The following MYO18B variants were observed in gnomAD, a reference collection of about 807,000 sequenced individuals.
The protein encoded by MYO18B is myosin XVIIIB.
In MYO18B, 204 loss-of-function variants were observed where a neutral mutation model predicts 273.0. That is an observed-to-expected ratio of 0.75 (90% confidence interval 0.67 to 0.84). The LOEUF (loss-of-function observed/expected upper bound fraction) is 0.84, where lower values mean the gene tolerates loss of function less well. Ranked by LOEUF, MYO18B falls within the 40% of genes least tolerant of loss-of-function variation. The pLI, the probability that MYO18B is intolerant of heterozygous loss-of-function variation, is 0.00. For synonymous variants in MYO18B, 1,330 were observed against 1,305.7 expected (o/e 1.02, Z -0.40); for missense variants, 3,212 against 3,287.6 (o/e 0.98, Z 0.56).
intron 22 of MYO18B, among the ~76,000 whole-genome samples, chr22:25,870,405 T>G (rs1034293747): frequency 6.6e-6 from 1 of 152,218 alleles, no homozygotes; most frequent in Non-Finnish European, 1.5e-5. Context: ...TGTAGGCAGT[T>G]GTAATACAAT....
intron 3 of MYO18B, among the ~76,000 whole-genome samples, chr22:25,766,151 C>T (rs2086499282): frequency 6.6e-6 from 1 of 152,008 alleles, no homozygotes; most frequent in African/African-American, 2.4e-5. Flanking sequence ...ATCTAATATG[C>T]CGCAGTTCAA....
At chr22:25,773,594 G>A (rs565303181) in intron 7 of MYO18B, among the ~76,000 whole-genome samples, 4 of 152,148 alleles carry the variant, frequency 2.6e-5, no homozygotes, top group Non-Finnish European at 5.9e-5. Context: ...CCCCCGAGTA[G>A]CTGGGACTAC....
chr22:25,853,790 T>G (rs1428799445), intron 21 of MYO18B, among the ~76,000 whole-genome samples: 1 of 152,092 alleles, frequency 6.6e-6, no homozygotes, highest in Admixed American at 6.5e-5. Context: ...AAATGGAAAA[T>G]TACAAGGAGA....
chr22:25,880,168 G>T (rs751029756), intron 25 of MYO18B, among the ~76,000 whole-genome samples: 10 of 152,176 alleles, frequency 6.6e-5, no homozygotes, highest in Non-Finnish European at 1.2e-4. Flanking sequence ...TGGGGAAAGG[G>T]AGGCACTTGA....
At chr22:25,957,287 T>C (rs1481447659) in intron 39 of MYO18B, among the ~76,000 whole-genome samples, 4 of 152,174 alleles carry the variant, frequency 2.6e-5, no homozygotes, top group Non-Finnish European at 5.9e-5. Context: ...TTCCCTCTTT[T>C]CTCTCTTTCC....
At chr22:26,059,057 T>C in the MYO18B span, among the ~76,000 whole-genome samples, 4 of 152,220 alleles carry the variant, frequency 2.6e-5, no homozygotes, top group African/African-American at 9.6e-5. Flanking sequence ...GAAAAGGTTA[T>C]AGAATTGGGA....
chr22:25,861,484 T>C (rs535653158), intron 21 of MYO18B, among the ~76,000 whole-genome samples: 53 of 152,230 alleles, frequency 3.5e-4, no homozygotes, highest in Admixed American at 6.5e-4. Flanking sequence ...AGCTATCTTA[T>C]GTTTAGTGTT....
intron 11 of MYO18B, among the ~76,000 whole-genome samples, chr22:25,793,183 C>CA (rs2087755817): frequency 6.6e-6 from 1 of 152,200 alleles, no homozygotes; most frequent in African/African-American, 2.4e-5. Flanking sequence ...CACATAAACT[C>CA]ATTTAGTCCT....
chr22:25,803,606 C>T lies in MYO18B; in HGVS notation c.2521+5509C>T, dbSNP rs1202646171. Reference sequence around the variant, plus strand: ...AAGACTAGACTTTGCAGTCAGCCACCTCCAGCCAAGTTTCAGCTCTGCCTT... The same window carrying T: ...AAGACTAGACTTTGCAGTCAGCCACTTCCAGCCAAGTTTCAGCTCTGCCTT... On this transcript the variant is annotated intron_variant, in intron 12 of 43. Coordinates refer to ENST00000335473, the MANE Select transcript of MYO18B (RefSeq NM_032608.7). Among the ~76,000 whole-genome samples, 6 of 152,104 alleles carry T rather than the reference C, an allele frequency of 3.9e-5. No homozygotes were observed. The East Asian group carries it at 1.2e-3, about 29-fold the overall frequency.
intron 34 of MYO18B, among the ~76,000 whole-genome samples, chr22:25,932,661 C>T (rs754231214): frequency 9.2e-5 from 14 of 152,122 alleles, no homozygotes; most frequent in Non-Finnish European, 1.6e-4. Flanking sequence ...CTGTCCACCT[C>T]GGCCTCCCAA....
At chr22:25,990,701 AAAAAAAAAAAAAAAAAAAAGAAAAAG>A (rs1280462595) in intron 39 of MYO18B, among the ~76,000 whole-genome samples, 2,963 of 71,748 alleles carry the variant, frequency 0.041, 444 homozygotes, top group African/African-American at 0.15. Flanking sequence ...AAAAAAAAAA[AAAAAAAAAAAAAAAAAAAAGAAAAAG>A]AAAAAAAAAA....
At chr22:26,000,167 A>G (rs1225875240) in intron 40 of MYO18B, among the ~76,000 whole-genome samples, 1 of 152,228 alleles carries the variant, frequency 6.6e-6, no homozygotes, top group East Asian at 1.9e-4. Flanking sequence ...GCAGACATGG[A>G]CTTGCCTTGT....
intron 36 of MYO18B, 78 bp downstream of exon 36, chr22:25,947,906 G>A (rs2092733852): frequency 1.9e-6 from 2 of 1,038,674 alleles, no homozygotes; most frequent in East Asian, 5.0e-5. Flanking sequence ...AGGTGATGTG[G>A]TTGGACTACT....
rs1472207083 is a variant in MYO18B, at chr22:25,931,659, CTTTTCTTTTTTTTTCTT to C, written c.5517+10265_5517+10281del. On this transcript the variant is annotated intron_variant, in intron 34 of 43. Coordinates refer to ENST00000335473, the MANE Select transcript of MYO18B (RefSeq NM_032608.7). ...GGAGAGGAGACAGCTAGTATTATGC[CTTTTCTTTTTTTTTCTT>C]TTTTCTTTTTTTTTTTTTTTTTTTG... Among the ~76,000 whole-genome samples the C allele has an allele frequency of 8.0e-5, 12 of 149,216 alleles. No homozygotes were observed. In the South Asian group the frequency reaches 1.1e-3, roughly 13 times the overall value.
intron 39 of MYO18B, among the ~76,000 whole-genome samples, chr22:25,960,910 G>T (rs575479962): frequency 2.0e-5 from 3 of 152,192 alleles, no homozygotes; most frequent in African/African-American, 7.2e-5. Flanking sequence ...AGCACTTTGG[G>T]AGGACGAGTG....
chr22:25,811,115 G>A (rs1490874387), intron 12 of MYO18B, among the ~76,000 whole-genome samples: 1 of 151,690 alleles, frequency 6.6e-6, no homozygotes, highest in Non-Finnish European at 1.5e-5. Flanking sequence ...CCGGGTTCAA[G>A]GGATTCTCCT....
chr22:26,027,548 A>G lies in MYO18B; in HGVS notation c.7574A>G (p.Lys2525Arg). The G allele has an allele frequency of 2.5e-6, 4 of 1,614,004 alleles. No homozygotes were observed. Among genetic ancestry groups the G allele is most frequent in the South Asian group, 2.2e-5 (2 of 91,088 alleles). ...IVSFKSADSI[K>R]SRPGIPRLAG... ...TCCTTCAAAAGTGCTGACAGCATCAAAAGTCGACCAGGAATCCCACGACTT... is the reference window on the plus strand; with the variant it reads ...TCCTTCAAAAGTGCTGACAGCATCAGAAGTCGACCAGGAATCCCACGACTT... Residue 2525 changes from lysine (K) to arginine (R), a missense_variant, in exon 43 of 44, where the codon AAA (lysine) becomes AGA (arginine). Physicochemically the swap from Lys to Arg is conservative, Grantham distance 26. Coordinates refer to ENST00000335473, the MANE Select transcript of MYO18B (RefSeq NM_032608.7). The surrounding 1 kb of genome is among the most constrained non-coding windows in gnomAD (Gnocchi z 4.1).
chr22:25,909,151 C>G (rs146375529), intron 32 of MYO18B, among the ~76,000 whole-genome samples: 2 of 152,142 alleles, frequency 1.3e-5, no homozygotes, highest in East Asian at 3.8e-4. Context: ...TAACCAGTGC[C>G]GAGATAAACA....
At chr22:26,035,397 G>C (rs1936759458), downstream of MYO18B, among the ~76,000 whole-genome samples, 1 of 152,188 alleles carries the variant, frequency 6.6e-6, no homozygotes, top group South Asian at 2.1e-4. Flanking sequence ...TCTGGATGCA[G>C]ATGTCAGATT....
Sources: allele counts gnomAD v4.1 joint callset (sites outside exome capture counted in the v4.1 genomes callset), GRCh38; gene constraint gnomAD v4.1.1; non-coding constraint Gnocchi (gnomAD v3.1); transcripts MANE v1.5; gene names NCBI Gene and HGNC (gene_info 2026-07-23, HGNC 2026-07-21).